Variants in LHFPL4 observed in about 807,000 individuals in gnomAD.
LHFPL4 encodes LHFPL tetraspan subfamily member 4.
LHFPL4 carries 6 observed loss-of-function variants against 20.0 expected under a neutral mutation model. The ratio of observed to expected loss-of-function variants is 0.30; its 90% CI spans 0.16 to 0.59. LHFPL4 has a LOEUF of 0.59. Ranked by LOEUF, LHFPL4 falls within the 20% of genes least tolerant of loss-of-function variation. The pLI is 0.88. For missense variants in LHFPL4, 215 were observed against 331.2 expected (o/e 0.65, Z 2.72); for synonymous variants, 129 against 143.8 (o/e 0.90, Z 0.74).
intron 2 of LHFPL4, among the ~76,000 whole-genome samples, chr3:9,510,680 G>A (rs1424989142): frequency 6.6e-6 from 1 of 152,134 alleles, no homozygotes; most frequent in East Asian, 1.9e-4. Context: ...GCTCATGCCT[G>A]TAATCCCAGC....
At chr3:9,508,760 A>G (rs1374995627) in intron 2 of LHFPL4, among the ~76,000 whole-genome samples, 1 of 152,184 alleles carries the variant, frequency 6.6e-6, no homozygotes, top group Admixed American at 6.5e-5. Context: ...TCAAACGCCA[A>G]GGAAGGCAAC....
At position 9,529,774 on chromosome 3, in the gene LHFPL4, A is replaced by G. The variant is rs184400672; in HGVS notation, c.406+22500T>C. Among the ~76,000 whole-genome samples the G allele has an allele frequency of 1.7e-3, 251 of 151,978 alleles. 1 individual carries two copies. Among genetic ancestry groups the G allele is most frequent in the African/African-American group, 5.8e-3 (240 of 41,460 alleles). On this transcript the variant is annotated intron_variant, in intron 2 of 3. Coordinates refer to ENST00000287585, the MANE Select transcript of LHFPL4 (RefSeq NM_198560.3). ...TCAGGCTCCTGACAGCTGGGATTAC[A>G]GGCGCCTGCCACCACACCTGGCTAA...
At chr3:9,529,082 G>T (rs1438574941) in intron 2 of LHFPL4, among the ~76,000 whole-genome samples, 1 of 151,548 alleles carries the variant, frequency 6.6e-6, no homozygotes, top group Non-Finnish European at 1.5e-5. Flanking sequence ...AGGCTGGAGT[G>T]CAGTGGCACT....
At chr3:9,548,615 G>A (rs913227088) in intron 2 of LHFPL4, among the ~76,000 whole-genome samples, 14 of 152,172 alleles carry the variant, frequency 9.2e-5, no homozygotes, top group Admixed American at 2.0e-4. Flanking sequence ...TTTCCAGCCC[G>A]CACATATTAG....
intron 2 of LHFPL4, among the ~76,000 whole-genome samples, chr3:9,507,865 T>C (rs985709635): frequency 5.9e-5 from 9 of 152,194 alleles, no homozygotes; most frequent in African/African-American, 1.9e-4. Flanking sequence ...CAGGCCACTG[T>C]AGAGATGGGG....
intron 2 of LHFPL4, among the ~76,000 whole-genome samples, chr3:9,533,800 G>T (rs1448688132): frequency 6.6e-6 from 1 of 151,762 alleles, no homozygotes; most frequent in Non-Finnish European, 1.5e-5. Flanking sequence ...ATAAAGTCAG[G>T]ATTACCTTTG....
chr3:9,513,022 C>T (rs2046271337), intron 2 of LHFPL4, among the ~76,000 whole-genome samples: 1 of 151,766 alleles, frequency 6.6e-6, no homozygotes, highest in South Asian at 2.1e-4. Context: ...GCAGTGGCCG[C>T]GATCTCGGCT....
chr3:9,519,547 GCTTTCTCTCTCGTT>G (rs765685426), intron 2 of LHFPL4, among the ~76,000 whole-genome samples: 6 of 152,040 alleles, frequency 3.9e-5, no homozygotes, highest in Non-Finnish European at 7.4e-5. Context: ...TTGTTTCTCT[GCTTTCTCTCTCGTT>G]CTTTCTCTCT....
Position 9,499,088 on chromosome 3 carries a change from G to T in LHFPL4, c.*3123C>A, listed in dbSNP as rs2046152012. On this transcript the variant is annotated 3_prime_UTR_variant, in exon 4 of 4. Transcript: ENST00000287585. ...ATCACAGTTAGGGGGGTCACAGTTA[G>T]GGGGGGACTTCTCTTGGGACCTGAA... 1 of 153,524 alleles carries T rather than the reference G, an allele frequency of 6.5e-6. No homozygotes were observed. Among genetic ancestry groups the T allele is most frequent in the Non-Finnish European group, 1.4e-5 (1 of 69,136 alleles). The allele number at this position is 153,524 out of a possible 1,614,324, so 9.5% of individuals were successfully genotyped here.
chr3:9,553,539 G>A (rs2046571579), intron 1 of LHFPL4, 146 bp downstream of exon 1: 1 of 151,648 alleles, frequency 6.6e-6, no homozygotes, highest in African/African-American at 2.4e-5. Context: ...GGCCCGCGAG[G>A]AGCAGGCGGT....
At chr3:9,507,668 C>T (rs1433812988) in intron 2 of LHFPL4, among the ~76,000 whole-genome samples, 1 of 152,242 alleles carries the variant, frequency 6.6e-6, no homozygotes, top group Non-Finnish European at 1.5e-5. Context: ...AGCTAGCATC[C>T]ACCTGCTTTG....
At chr3:9,531,309 C>A (rs1001725293) in intron 2 of LHFPL4, among the ~76,000 whole-genome samples, 3 of 152,156 alleles carry the variant, frequency 2.0e-5, no homozygotes, top group Admixed American at 6.5e-5. Context: ...ACTCAGGGTG[C>A]CACAAACCTT....
intron 2 of LHFPL4, among the ~76,000 whole-genome samples, chr3:9,509,998 G>C (rs1466946395): frequency 6.6e-6 from 1 of 152,214 alleles, no homozygotes. Flanking sequence ...ACATACACGG[G>C]TGCAGGATGG....
intron 2 of LHFPL4, among the ~76,000 whole-genome samples, chr3:9,542,419 T>G (rs2046482640): frequency 6.6e-6 from 1 of 152,188 alleles, no homozygotes; most frequent in Non-Finnish European, 1.5e-5. Context: ...AAGGGGATAT[T>G]ATTCAGCCAT....
intron 2 of LHFPL4, among the ~76,000 whole-genome samples, chr3:9,523,797 A>G (rs949183321): frequency 1.3e-5 from 2 of 152,096 alleles, no homozygotes; most frequent in African/African-American, 4.8e-5. Flanking sequence ...CCTTACTTGT[A>G]TACATCTGAG....
At chr3:9,504,803 T>C (rs929841189) in intron 3 of LHFPL4, among the ~76,000 whole-genome samples, 3 of 142,966 alleles carry the variant, frequency 2.1e-5, no homozygotes, top group Non-Finnish European at 4.5e-5. Context: ...CCAGCCTGGG[T>C]GACTGAGTGA....
intron 2 of LHFPL4, among the ~76,000 whole-genome samples, chr3:9,537,085 C>CA (rs888335443): frequency 5.9e-5 from 9 of 151,654 alleles, no homozygotes; most frequent in South Asian, 4.2e-4. Context: ...GACCCTGTCT[C>CA]AAAAAAAAGA....
intron 2 of LHFPL4, among the ~76,000 whole-genome samples, chr3:9,540,858 T>G (rs550097430): frequency 6.6e-6 from 1 of 151,256 alleles, no homozygotes; most frequent in East Asian, 1.9e-4. Context: ...ACCACTGCAC[T>G]CCAGCCTGGG....
At chr3:9,509,494 CG>C (rs2046243394) in intron 2 of LHFPL4, among the ~76,000 whole-genome samples, 1 of 152,132 alleles carries the variant, frequency 6.6e-6, no homozygotes, top group Non-Finnish European at 1.5e-5. Flanking sequence ...TGCAGTGTGC[CG>C]GGGACAGCAG....
Sources: allele counts gnomAD v4.1 joint callset (sites outside exome capture counted in the v4.1 genomes callset), GRCh38; gene constraint gnomAD v4.1.1; transcripts MANE v1.5; gene names NCBI Gene and HGNC (gene_info 2026-07-23, HGNC 2026-07-21).